The following HAVCR2 variants were observed in gnomAD, a reference collection of about 807,000 sequenced individuals.
HAVCR2 encodes the protein hepatitis A virus cellular receptor 2, also known as T cell immunoglobulin mucin 3.
A neutral mutation model predicts 24.7 loss-of-function variants in HAVCR2; 13 were observed. The observed-to-expected ratio is 0.53, with a 90% CI of 0.34 to 0.84. HAVCR2 has a LOEUF of 0.84. Among genes scored for constraint, HAVCR2 ranks in the 40% least tolerant of loss-of-function variants. The pLI, the probability that HAVCR2 is intolerant of heterozygous loss-of-function variation, is 0.01. For missense variants in HAVCR2, 343 were observed against 371.2 expected, an observed-to-expected ratio of 0.92 and a Z score of 0.62; for synonymous variants, 154 against 143.4, an observed-to-expected ratio of 1.07 and a Z score of -0.53.
intron 3 of HAVCR2, among the ~76,000 whole-genome samples, chr5:157,102,200 G>A (rs985820685): frequency 6.6e-6 from 1 of 152,006 alleles, no homozygotes; most frequent in Non-Finnish European, 1.5e-5. Flanking sequence ...GCCTCCCAAA[G>A]TGCTGGGATT....
intron 4 of HAVCR2, 73 bp from the exon 5 acceptor site, chr5:157,095,532 G>A: frequency 6.6e-7 from 1 of 1,525,994 alleles, no homozygotes; most frequent in Middle Eastern, 1.7e-4. Context: ...CAAGATTTGT[G>A]AATTGGACCA....
rs754336008 is a variant in HAVCR2 at position 157,106,774 on chromosome 5, A to C, written c.247T>G (p.Trp83Gly). 1 of 1,614,196 alleles carries C rather than the reference A, an allele frequency of 6.2e-7. No homozygotes were observed. The highest frequency in any genetic ancestry group is 2.2e-5 in the East Asian group (1 of 44,874). The change falls in exon 2 of 7, where the codon TGG (tryptophan) becomes GGG (glycine). Residue 83 changes from tryptophan (W) to glycine (G), a missense_variant. Physicochemically the swap from Trp to Gly is radical, Grantham distance 184 (BLOSUM62 -2). Transcript: ENST00000307851. ...RDVNYWTSRY[W>G]LNGDFRKGDV... ...CCTTTGCGGAAATCCCCATTTAGCCAGTATCTGGATGTCCAATAATTCACA... is the reference window on the plus strand; with the variant it reads ...CCTTTGCGGAAATCCCCATTTAGCCCGTATCTGGATGTCCAATAATTCACA...
chr5:157,100,953 G>A (rs756530000), intron 3 of HAVCR2, among the ~76,000 whole-genome samples: 7 of 151,876 alleles, frequency 4.6e-5, no homozygotes, highest in Admixed American at 6.6e-5. Context: ...AAAATTAGCC[G>A]GGCGTGGTGG....
intron 6 of HAVCR2, among the ~76,000 whole-genome samples, 164 bp downstream of exon 6, chr5:157,088,777 A>G (rs1001850313): frequency 1.3e-5 from 2 of 152,244 alleles, no homozygotes; most frequent in African/African-American, 4.8e-5. Context: ...TACACACAGT[A>G]GCATGTTACA....
At position 157,087,530 on chromosome 5, in the gene HAVCR2, G is replaced by A. The variant is rs34293912; in HGVS notation, c.714-236C>T. Among the ~76,000 whole-genome samples, 164 of 152,246 alleles carry A rather than the reference G, an allele frequency of 1.1e-3. 1 individual carries two copies. Among genetic ancestry groups the A allele is most frequent in the African/African-American group, 3.9e-3 (161 of 41,544 alleles). On this transcript the variant is annotated intron_variant, in intron 6 of 6. Coordinates refer to ENST00000307851, the MANE Select transcript of HAVCR2 (RefSeq NM_032782.5). ...ATAACAACAGCATTGTGATAGCTAA[G>A]AGAATATTTTTATTTCTCGGAGGTG...
At chr5:157,101,879 A>G (rs1030012300) in intron 3 of HAVCR2, among the ~76,000 whole-genome samples, 3 of 150,310 alleles carry the variant, frequency 2.0e-5, no homozygotes, top group Non-Finnish European at 2.9e-5. Context: ...AGTTCAAGCA[A>G]TCTTCCTGCC....
chr5:157,088,881 T>C (rs1433266449), intron 6 of HAVCR2, 60 bp downstream of exon 6: 6 of 1,385,734 alleles, frequency 4.3e-6, no homozygotes, highest in Admixed American at 1.7e-5. Flanking sequence ...AGATCAGACA[T>C]GTTAGAGTAG....
rs768596805 is a variant in HAVCR2, at chr5:157,095,292, A to G, written c.676+14T>C. On this transcript the variant is annotated intron_variant, in intron 5 of 6. Coordinates refer to ENST00000307851, the MANE Select transcript of HAVCR2 (RefSeq NM_032782.5). ...AATTTGTTATCAGAGGGAGAGAGAA[A>G]CAAAAACACTTACATTTGAAAATTA... is the stretch of plus-strand genomic sequence containing the variant. 1 of 1,612,282 alleles carries G rather than the reference A, an allele frequency of 6.2e-7. No individual in the cohort carries two copies. Among genetic ancestry groups the G allele is most frequent in the Non-Finnish European group, 8.5e-7 (1 of 1,179,306 alleles).
intron 5 of HAVCR2, among the ~76,000 whole-genome samples, chr5:157,090,404 G>C (rs544329324): frequency 2.0e-5 from 3 of 151,980 alleles, no homozygotes; most frequent in Non-Finnish European, 2.9e-5. Flanking sequence ...AGACCAGCCT[G>C]GGCAACATGG....
Position 157,087,213 on chromosome 5 carries a change from A to T in HAVCR2, c.795T>A (p.Tyr265Ter). 1 of 1,613,994 alleles carries T rather than the reference A, an allele frequency of 6.2e-7. No individual in the cohort carries two copies. Among genetic ancestry groups the T allele is most frequent in the Non-Finnish European group, 8.5e-7 (1 of 1,179,996 alleles). ...AEGIRSEENI[Y>*]TIEENVYEVE... ...CTTCATATACGTTCTCTTCAATGGTATAGATGTTTTCTTCTGAGCGAATTC... is the reference window on the plus strand; with the variant it reads ...CTTCATATACGTTCTCTTCAATGGTTTAGATGTTTTCTTCTGAGCGAATTC... Residue 265 changes from tyrosine to a stop codon, truncating the protein, a stop_gained, in exon 7 of 7, where the codon TAT (tyrosine) becomes TAA (stop). Coordinates refer to ENST00000307851, the MANE Select transcript of HAVCR2 (RefSeq NM_032782.5). LOFTEE classifies it low-confidence loss of function (END_TRUNC).
chr5:157,088,969 G>C lies in HAVCR2; in HGVS notation c.685C>G (p.His229Asp). 2 of 1,607,404 alleles carry C rather than the reference G, an allele frequency of 1.2e-6. No individual in the cohort carries two copies. The highest frequency in any genetic ancestry group is 1.7e-6 in the Non-Finnish European group (2 of 1,177,216). The change falls in exon 6 of 7, where the codon CAT (histidine) becomes GAT (aspartate). Residue 229 changes from histidine (H) to aspartate (D), a missense_variant. Coordinates refer to ENST00000307851, the MANE Select transcript of HAVCR2 (RefSeq NM_032782.5). ...FGALIFKWYS[H>D]SKEKIQNLSL... ...AAATTCTGTATCTTCTCTTTGCTAT[G>C]AGAATACCCTAGTAAGGGGGAAACA...
intron 3 of HAVCR2, among the ~76,000 whole-genome samples, chr5:157,101,913 C>T (rs1311925691): frequency 1.3e-5 from 2 of 148,556 alleles, no homozygotes; most frequent in Non-Finnish European, 1.5e-5. Context: ...GTAGCTGGGA[C>T]TACAGGCACA....
chr5:157,105,431 G>A (rs1241714435), intron 2 of HAVCR2, among the ~76,000 whole-genome samples: 2 of 152,110 alleles, frequency 1.3e-5, no homozygotes, highest in Non-Finnish European at 2.9e-5. Flanking sequence ...TCCTTTGAAT[G>A]TCATGTCAGT....
intron 3 of HAVCR2, 143 bp from the exon 4 acceptor site, chr5:157,099,044 A>G (rs747242434): frequency 1.2e-5 from 9 of 743,202 alleles, no homozygotes; most frequent in Non-Finnish European, 1.8e-5. Flanking sequence ...ACTTGTCACA[A>G]TAATTAATGG....
At chr5:157,087,680 C>A (rs2113682874) in intron 6 of HAVCR2, among the ~76,000 whole-genome samples, 1 of 151,844 alleles carries the variant, frequency 6.6e-6, no homozygotes, top group South Asian at 2.1e-4. Flanking sequence ...CTGAGCCTGG[C>A]AGATCACGAG....
At chr5:157,095,947 C>G (rs112863799) in intron 4 of HAVCR2, among the ~76,000 whole-genome samples, 1 of 152,106 alleles carries the variant, frequency 6.6e-6, no homozygotes, top group Non-Finnish European at 1.5e-5. Context: ...GCTCTGAGGC[C>G]GGGCGCGGTG....
chr5:157,103,045 C>A (rs1757191847), intron 3 of HAVCR2, among the ~76,000 whole-genome samples: 1 of 151,372 alleles, frequency 6.6e-6, no homozygotes, highest in Non-Finnish European at 1.5e-5. Context: ...CCGTCTACAG[C>A]AAATGCCCAT....
intron 3 of HAVCR2, among the ~76,000 whole-genome samples, chr5:157,103,765 C>A (rs1383482407): frequency 6.6e-6 from 1 of 152,188 alleles, no homozygotes; most frequent in Non-Finnish European, 1.5e-5. Context: ...GATGAGCAAA[C>A]TGAGCTTCAG....
At chr5:157,092,913 A>AAAAAAAAAAAAATAAAAAAAAAAAAT (rs1561619880) in intron 5 of HAVCR2, among the ~76,000 whole-genome samples, 1 of 122,972 alleles carries the variant, frequency 8.1e-6, no homozygotes, top group African/African-American at 3.1e-5. Context: ...AAAAAAAAAA[A>AAAAAAAAAAAAATAAAAAAAAAAAAT]AAAAACTAGC....
Sources: allele counts gnomAD v4.1 joint callset (sites outside exome capture counted in the v4.1 genomes callset), GRCh38; gene constraint gnomAD v4.1.1; transcripts MANE v1.5; gene names NCBI Gene and HGNC (gene_info 2026-07-23, HGNC 2026-07-21).